The following WFS1 variants were observed in gnomAD, a reference collection of about 807,000 sequenced individuals.
WFS1 encodes wolframin.
WFS1 carries 90 observed loss-of-function variants against 68.5 expected under a neutral mutation model. The observed-to-expected ratio is 1.31, with a 90% CI of 1.11 to 1.56. The LOEUF (loss-of-function observed/expected upper bound fraction) is 1.56, where lower values mean the gene tolerates loss of function less well. Ranked by LOEUF, WFS1 falls within the 40% of genes most tolerant of loss-of-function variation. The pLI, the probability that WFS1 is intolerant of heterozygous loss-of-function variation, is 0.00. For missense variants in WFS1, 1,767 were observed against 1,232.6 expected (o/e 1.43, Z -6.49); for synonymous variants, 860 against 540.7 (o/e 1.59, Z -8.19).
intron 2 of WFS1, among the ~76,000 whole-genome samples, chr4:6,282,113 AG>A (rs1730188693): frequency 6.6e-6 from 1 of 152,170 alleles, no homozygotes; most frequent in African/African-American, 2.4e-5. Context: ...GCCTGTTAGA[AG>A]GGTGCCCTCC....
Position 6,289,112 on chromosome 4 carries a change from G to A in WFS1, c.441G>A (p.Arg147=), listed in dbSNP as rs1005046807. 6.3e-7 allele frequency: 1 copy of A among 1,579,104 alleles called. No individual in the cohort carries two copies. The highest frequency in any genetic ancestry group is 1.2e-5 in the South Asian group (1 of 86,040). Residue 147 remains arginine, a synonymous_variant, in exon 4 of 8, where the codon CGG becomes CGA. Transcript: ENST00000226760. ...GCGAGGCTGTGAAGCTGCTTCGCCG[G>A]TGCTTGGCGGACAGAAGAGGTGGGT... is the stretch of plus-strand genomic sequence containing the variant. The part of the protein sequence containing the change: ...GRREAVKLLR[R]CLADRRGITS...
intron 2 of WFS1, among the ~76,000 whole-genome samples, chr4:6,285,179 A>AGGGAGAGTTACGTCCG (rs1730278622): frequency 6.6e-6 from 1 of 151,858 alleles, no homozygotes; most frequent in Non-Finnish European, 1.5e-5. Flanking sequence ...AGTTACATCC[A>AGGGAGAGTTACGTCCG]GGGAGAGTTA....
rs1319401289 is a variant in WFS1 at position 6,302,703 on chromosome 4, T to C, written c.*235T>C. 18 of 636,482 alleles carry C rather than the reference T, an allele frequency of 2.8e-5. No homozygotes were observed. The Admixed American group carries it at 4.7e-4, about 17-fold the overall frequency. 39.4% of individuals were successfully genotyped at this position (636,482 alleles called of 1,614,324 possible). ...TGGGAATTGCATGCCATCTCCACCC[T>C]GAGCCTGACCTTTCTGAGTGACATG... On this transcript the variant is annotated 3_prime_UTR_variant, in exon 8 of 8. Coordinates refer to ENST00000226760, the MANE Select transcript of WFS1 (RefSeq NM_006005.3).
At chr4:6,299,194 A>C (rs1730751621) in intron 7 of WFS1, among the ~76,000 whole-genome samples, 1 of 152,224 alleles carries the variant, frequency 6.6e-6, no homozygotes, top group Non-Finnish European at 1.5e-5. Flanking sequence ...AGTTCTGCAC[A>C]GACCAGGAAG....
At position 6,302,733 on chromosome 4, in the gene WFS1, T is replaced by G. The variant is rs1022518390; in HGVS notation, c.*265T>G. ...CTGACCTTTCTGAGTGACATGGGTG[T>G]GCCAGGCTAGACTAGGAGGTTCCGG... is the stretch of plus-strand genomic sequence containing the variant. On this transcript the variant is annotated 3_prime_UTR_variant, in exon 8 of 8. Coordinates refer to ENST00000226760, the MANE Select transcript of WFS1 (RefSeq NM_006005.3). 1 of 584,482 alleles carries G rather than the reference T, an allele frequency of 1.7e-6. No homozygotes were observed. The highest frequency in any genetic ancestry group is 2.1e-5 in the South Asian group (1 of 47,622). The allele number at this position is 584,482 out of a possible 1,614,324, so 36.2% of individuals were successfully genotyped here. A position where few individuals can be genotyped will look rare whatever the true frequency, so the allele number is the denominator to read the frequency against.
intron 7 of WFS1, among the ~76,000 whole-genome samples, chr4:6,296,209 G>A (rs1730635150): frequency 6.6e-6 from 1 of 152,202 alleles, no homozygotes; most frequent in African/African-American, 2.4e-5. Flanking sequence ...GAGTAGGCCC[G>A]CCCTCCGGTG....
intron 2 of WFS1, among the ~76,000 whole-genome samples, chr4:6,284,842 CTG>C (rs1277227688): frequency 6.7e-6 from 1 of 150,354 alleles, no homozygotes; most frequent in Non-Finnish European, 1.5e-5. Flanking sequence ...ACACGTGCGT[CTG>C]TGTCATTGTG....
chr4:6,301,072 G>C lies in WFS1; in HGVS notation c.1277G>C (p.Cys426Ser), dbSNP rs35218685. ...IFSFPIASKDCIPCSELAVIT... is the reference protein window; with the variant it reads ...IFSFPIASKDSIPCSELAVIT... ...TCCTTCCCCATCGCCAGCAAGGACT[G>C]CATCCCCTGCTCGGAGCTGGCTGTC... is the stretch of plus-strand genomic sequence containing the variant. Residue 426 changes from cysteine to serine, a missense_variant, in exon 8 of 8, where the codon TGC becomes TCC. Coordinates refer to ENST00000226760, the MANE Select transcript of WFS1 (RefSeq NM_006005.3). The C allele has an allele frequency of 4.3e-6, 7 of 1,614,060 alleles. No homozygotes were observed. In the East Asian group the frequency reaches 1.6e-4, roughly 36 times the overall value.
chr4:6,289,410 C>G (rs948077912), intron 4 of WFS1, among the ~76,000 whole-genome samples: 1 of 152,258 alleles, frequency 6.6e-6, no homozygotes, highest in Non-Finnish European at 1.5e-5. Flanking sequence ...CTGATCCAAA[C>G]TGAGACATCG....
chr4:6,300,237 T>C (rs1475232333), intron 7 of WFS1, among the ~76,000 whole-genome samples: 1 of 152,102 alleles, frequency 6.6e-6, no homozygotes, highest in Non-Finnish European at 1.5e-5. Context: ...ATCCTTGCTG[T>C]AGTGCAGAGC....
intron 7 of WFS1, among the ~76,000 whole-genome samples, chr4:6,299,045 C>T (rs1382909798): frequency 6.6e-6 from 1 of 152,250 alleles, no homozygotes; most frequent in African/African-American, 2.4e-5. Context: ...AGGCCCCTGG[C>T]ACTTCTGAAG....
In WFS1 at chr4:6,301,317, T is replaced by C. The variant is rs1424149119; in HGVS notation, c.1522T>C (p.Tyr508His). The C allele has an allele frequency of 6.2e-7, 1 of 1,611,676 alleles. No homozygotes were observed. The highest frequency in any genetic ancestry group is 8.5e-7 in the Non-Finnish European group (1 of 1,179,954). The part of the protein sequence containing the change: ...VLNVSVPCLL[Y>H]VYLLYLFFRM... ...CAACGTCAGCGTCCCGTGCCTGCTC[T>C]ATGTCTACCTGCTCTATCTCTTCTT... Residue 508 changes from tyrosine (Y) to histidine (H), a missense_variant, in exon 8 of 8, where the codon TAT (tyrosine) becomes CAT (histidine). Tyr to His is a moderately conservative substitution (Grantham distance 83). Coordinates refer to ENST00000226760, the MANE Select transcript of WFS1 (RefSeq NM_006005.3).
chr4:6,277,575 G>T lies in WFS1; in HGVS notation c.120G>T (p.Arg40Ser). Reference sequence around the variant, plus strand: ...CGTTGGAGCAGGAGAGGAGCGAAAGGCCCCGAGCACCCGGACCCCAGGCTG... The same window carrying T: ...CGTTGGAGCAGGAGAGGAGCGAAAGTCCCCGAGCACCCGGACCCCAGGCTG... ...TASLEQERSE[R>S]PRAPGPQAGP... The change falls in exon 2 of 8, where the codon AGG becomes AGT. Residue 40 changes from arginine to serine, a missense_variant. Transcript: ENST00000226760. The T allele has an allele frequency of 1.3e-6, 2 of 1,585,676 alleles. No individual in the cohort carries two copies. Among genetic ancestry groups the T allele is most frequent in the South Asian group, 1.2e-5 (1 of 86,692 alleles).
intron 3 of WFS1, 94 bp from the exon 4 acceptor site, chr4:6,288,893 C>G: frequency 6.5e-7 from 1 of 1,542,492 alleles, no homozygotes; most frequent in South Asian, 1.2e-5. Flanking sequence ...GCCTGGGTGA[C>G]AAAGGGAAGT....
In WFS1 at chr4:6,280,955, G is replaced by A. The variant is rs369847434; in HGVS notation, c.232+3268G>A. Among the ~76,000 whole-genome samples the A allele has an allele frequency of 5.9e-5, 9 of 152,314 alleles. No homozygotes were observed. The East Asian group carries it at 7.7e-4, about 13-fold the overall frequency. ...AAGTCTCTACAGCAGTGCTGCCACC[G>A]CCTTGACCAGGGAATCACCCTACTG... On this transcript the variant is annotated intron_variant, in intron 2 of 7. Transcript: ENST00000226760.
At chr4:6,275,346 G>C (rs1023992090) in intron 1 of WFS1, among the ~76,000 whole-genome samples, 2 of 152,192 alleles carry the variant, frequency 1.3e-5, no homozygotes, top group African/African-American at 4.8e-5. Context: ...CCGTGGTTCT[G>C]TTTGCCCACA....
chr4:6,288,088 A>G (rs1245584655), intron 3 of WFS1, among the ~76,000 whole-genome samples: 1 of 152,092 alleles, frequency 6.6e-6, no homozygotes, highest in East Asian at 1.9e-4. Flanking sequence ...ATGGTGGTGC[A>G]TGCCTGTAAT....
rs139981753 is a variant in WFS1 at position 6,289,930 on chromosome 4, T to C, written c.460+799T>C. ...GCAACTCCCCATATTTTGGTGTATT[T>C]CCTTCTGTGTTTGTTGTTGTTGTTT... On this transcript the variant is annotated intron_variant, in intron 4 of 7. Coordinates refer to ENST00000226760, the MANE Select transcript of WFS1 (RefSeq NM_006005.3). 4.4e-3 allele frequency among the ~76,000 whole-genome samples: 670 copies of C among 152,308 alleles called. 9 individuals are homozygous for C. The highest frequency in any genetic ancestry group is 0.016 in the African/African-American group (650 of 41,576).
chr4:6,272,358 G>A (rs985411807), intron 1 of WFS1, among the ~76,000 whole-genome samples: 8 of 152,326 alleles, frequency 5.3e-5, no homozygotes, highest in East Asian at 1.9e-4. Flanking sequence ...CATGAATGCT[G>A]CTTGGGGCAG....
Sources: allele counts gnomAD v4.1 joint callset (sites outside exome capture counted in the v4.1 genomes callset), GRCh38; gene constraint gnomAD v4.1.1; transcripts MANE v1.5; gene names NCBI Gene and HGNC (gene_info 2026-07-23, HGNC 2026-07-21).